NDUFA10: variants seen among roughly 807,000 people sequenced by gnomAD.
NDUFA10 encodes the protein NADH dehydrogenase [ubiquinone] 1 alpha subcomplex subunit 10, mitochondrial.
A neutral mutation model predicts 47.8 loss-of-function variants in NDUFA10; 40 were observed. The ratio of observed to expected loss-of-function variants is 0.84; its 90% CI spans 0.65 to 1.09. The LOEUF (loss-of-function observed/expected upper bound fraction) is 1.09, where lower values mean the gene tolerates loss of function less well. NDUFA10 is among the 50% of genes least tolerant of loss of function. The pLI is 0.00. For synonymous variants in NDUFA10, 183 were observed against 172.2 expected (o/e 1.06, Z -0.49); for missense variants, 413 against 451.1 (o/e 0.92, Z 0.76).
At chr2:239,997,734 A>G (rs907084435) in intron 8 of NDUFA10, among the ~76,000 whole-genome samples, 9 of 152,252 alleles carry the variant, frequency 5.9e-5, no homozygotes, top group Non-Finnish European at 1.3e-4. Context: ...AGTGTCGGAG[A>G]AGTCAAAACT....
At chr2:240,017,929 C>A in intron 4 of NDUFA10, 1 of 1,543,474 alleles carries the variant, frequency 6.5e-7, no homozygotes, top group South Asian at 1.2e-5. Context: ...TGCCGTCAGT[C>A]AGACTGTCCA....
At chr2:239,912,199 C>G (rs527360171) in intron 4 of NDUFA10, among the ~76,000 whole-genome samples, 1 of 152,172 alleles carries the variant, frequency 6.6e-6, no homozygotes. Flanking sequence ...CTTTGCACCC[C>G]CCTCTGGTCC....
chr2:239,999,286 C>T (rs781259728), intron 8 of NDUFA10, among the ~76,000 whole-genome samples: 5 of 152,148 alleles, frequency 3.3e-5, no homozygotes, highest in African/African-American at 4.8e-5. Flanking sequence ...GAATGCCGAC[C>T]GTCCTCTGCA....
intron 4 of NDUFA10, among the ~76,000 whole-genome samples, chr2:239,932,969 C>A (rs543303882): frequency 6.6e-6 from 1 of 152,324 alleles, no homozygotes; most frequent in East Asian, 1.9e-4. Context: ...CTCCACCGTA[C>A]ACGCTAGAAG....
chr2:239,950,800 C>A (rs1694538764), intron 4 of NDUFA10, among the ~76,000 whole-genome samples: 1 of 152,190 alleles, frequency 6.6e-6, no homozygotes, highest in African/African-American at 2.4e-5. Context: ...CAGCTTCATC[C>A]CAGTGTCACA....
intron 4 of NDUFA10, among the ~76,000 whole-genome samples, chr2:239,915,354 C>T (rs1287958878): frequency 1.4e-5 from 2 of 146,444 alleles, no homozygotes; most frequent in African/African-American, 2.6e-5. Context: ...CTCAGACACA[C>T]ACAAATATAC....
At chr2:239,903,233 C>G (rs888371543) in intron 4 of NDUFA10, among the ~76,000 whole-genome samples, 3 of 152,196 alleles carry the variant, frequency 2.0e-5, no homozygotes, top group Admixed American at 2.0e-4. Flanking sequence ...TCTAGAAAAC[C>G]AGACTTCTCA....
intron 7 of NDUFA10, among the ~76,000 whole-genome samples, 158 bp from the exon 8 acceptor site, chr2:240,005,453 A>G (rs1466705459): frequency 6.6e-6 from 1 of 152,092 alleles, no homozygotes; most frequent in Non-Finnish European, 1.5e-5. Context: ...GGCTCAAGCA[A>G]TCCTCCCACC....
intron 4 of NDUFA10, among the ~76,000 whole-genome samples, chr2:239,930,429 A>G (rs1694147164): frequency 2.0e-5 from 3 of 151,594 alleles, no homozygotes; most frequent in Admixed American, 2.0e-4. Flanking sequence ...CCCCGTCCCC[A>G]TGGATCCCGT....
chr2:240,022,386 T>C, intron 1 of NDUFA10, 46 bp from the exon 2 acceptor site: 1 of 1,613,114 alleles, frequency 6.2e-7, no homozygotes, highest in Non-Finnish European at 8.5e-7. Context: ...ACCACTCTGG[T>C]TCCTGTAGGC....
At chr2:239,949,158 C>T (rs772157630) in intron 4 of NDUFA10, among the ~76,000 whole-genome samples, 1 of 152,206 alleles carries the variant, frequency 6.6e-6, no homozygotes, top group Non-Finnish European at 1.5e-5. Context: ...CAAAGCAAAC[C>T]AACTGCTGAT....
intron 4 of NDUFA10, among the ~76,000 whole-genome samples, chr2:239,931,305 C>A (rs1694169573): frequency 6.6e-6 from 1 of 152,202 alleles, no homozygotes. Context: ...CATGCAGGCA[C>A]CTCGCTCCAG....
At chr2:239,912,359 G>A (rs1693770285) in intron 4 of NDUFA10, among the ~76,000 whole-genome samples, 1 of 152,186 alleles carries the variant, frequency 6.6e-6, no homozygotes, top group African/African-American at 2.4e-5. Context: ...TGGCCTCCAG[G>A]CTGTAGCTGA....
chr2:239,950,844 T>C (rs891284411), intron 4 of NDUFA10, among the ~76,000 whole-genome samples: 2 of 152,198 alleles, frequency 1.3e-5, no homozygotes, highest in Non-Finnish European at 1.5e-5. Context: ...GTGATTCAAG[T>C]AGGTGCCTGT....
At chr2:239,905,413 C>G (rs955828935) in intron 4 of NDUFA10, among the ~76,000 whole-genome samples, 1 of 152,210 alleles carries the variant, frequency 6.6e-6, no homozygotes, top group Non-Finnish European at 1.5e-5. Flanking sequence ...TCAGCAGCCT[C>G]GAAGATTTGC....
At position 239,949,353 on chromosome 2, in the gene NDUFA10, T is replaced by C. The variant is rs200502244; in HGVS notation, c.294+40721A>G. On this transcript the variant is annotated intron_variant, in intron 4 of 5. Coordinates refer to the NDUFA10 transcript ENST00000419408. ...CCAGGTATTTGGTCAAACAAGATTTTTGGGGTGTATCTGTGGGGGATGAGA... is the reference window on the plus strand; with the variant it reads ...CCAGGTATTTGGTCAAACAAGATTTCTGGGGTGTATCTGTGGGGGATGAGA... Among the ~76,000 whole-genome samples, 16 of 152,248 alleles carry C rather than the reference T, an allele frequency of 1.1e-4. No homozygotes were observed. In the East Asian group the frequency reaches 2.5e-3, roughly 24 times the overall value.
At chr2:239,919,839 G>T (rs547241996) in intron 4 of NDUFA10, among the ~76,000 whole-genome samples, 1 of 152,166 alleles carries the variant, frequency 6.6e-6, no homozygotes, top group African/African-American at 2.4e-5. Flanking sequence ...TGGAGAGAAT[G>T]CGGGGGAAGA....
rs35462421 is a variant in NDUFA10 at position 240,011,654 on chromosome 2, C to T, written c.712G>A (p.Glu238Lys). 10,252 of 1,613,638 alleles carry T rather than the reference C, an allele frequency of 6.4e-3. 48 individuals carry two copies. The highest frequency in any genetic ancestry group is 9.0e-3 in the Admixed American group (542 of 60,024). ...KITSAYLQDI[E>K]NAYKKTFLPE... ...AGAAAGGTTTTCTTATAGGCATTCTCAATGTCCTGTAGATAGGCAGAGGTG... is the reference window on the plus strand; with the variant it reads ...AGAAAGGTTTTCTTATAGGCATTCTTAATGTCCTGTAGATAGGCAGAGGTG... Residue 238 changes from glutamate (E) to lysine (K), a missense_variant, in exon 6 of 10, where the codon GAG becomes AAG. Transcript: ENST00000252711.
chr2:239,948,035 G>T (rs1486569494), intron 4 of NDUFA10, among the ~76,000 whole-genome samples: 1 of 152,250 alleles, frequency 6.6e-6, no homozygotes. Flanking sequence ...CTCTGGTGGT[G>T]AGGTGGAGGA....
Sources: allele counts gnomAD v4.1 joint callset (sites outside exome capture counted in the v4.1 genomes callset), GRCh38; gene constraint gnomAD v4.1.1; transcripts MANE v1.5; gene names NCBI Gene and HGNC (gene_info 2026-07-23, HGNC 2026-07-21).